RELN: variants seen among roughly 807,000 people sequenced by gnomAD.
The protein encoded by RELN is reelin.
A neutral mutation model predicts 427.6 loss-of-function variants in RELN; 108 were observed. The observed-to-expected ratio is 0.25, with a 90% CI of 0.22 to 0.30. The LOEUF (loss-of-function observed/expected upper bound fraction) is 0.30. RELN is among the 10% of genes least tolerant of loss of function. The pLI, the probability that RELN is intolerant of heterozygous loss-of-function variation, is 1.00. For missense variants in RELN, 3,715 were observed against 4,302.8 expected, an observed-to-expected ratio of 0.86 and a Z score of 3.82; for synonymous variants, 1,524 against 1,513.4, an observed-to-expected ratio of 1.01 and a Z score of -0.16.
At chr7:103,827,978 T>C (rs561813168) in intron 3 of RELN, among the ~76,000 whole-genome samples, 3 of 152,216 alleles carry the variant, frequency 2.0e-5, no homozygotes, top group African/African-American at 7.2e-5. Flanking sequence ...AGAATATTTG[T>C]ATGCATCCAT....
chr7:103,784,771 C>G (rs937755762), intron 3 of RELN, among the ~76,000 whole-genome samples: 5 of 152,112 alleles, frequency 3.3e-5, no homozygotes, highest in Non-Finnish European at 7.4e-5. Flanking sequence ...ACTCAGAAAA[C>G]ATTCTTTTTG....
chr7:103,613,309 T>A (rs909017488), intron 20 of RELN, among the ~76,000 whole-genome samples: 1 of 152,224 alleles, frequency 6.6e-6, no homozygotes, highest in Non-Finnish European at 1.5e-5. Context: ...ATAATTTTTT[T>A]AATTTTTGTT....
intron 11 of RELN, among the ~76,000 whole-genome samples, chr7:103,672,619 TA>T (rs1833418153): frequency 6.6e-6 from 1 of 152,230 alleles, no homozygotes; most frequent in Non-Finnish European, 1.5e-5. Flanking sequence ...GTGTGGTTTT[TA>T]AGCATATCCA....
At chr7:103,978,160 T>C (rs768642732) in intron 1 of RELN, among the ~76,000 whole-genome samples, 3 of 152,204 alleles carry the variant, frequency 2.0e-5, no homozygotes, top group African/African-American at 4.8e-5. Context: ...TGTTGTACAA[T>C]AGATCTCTTG....
intron 3 of RELN, among the ~76,000 whole-genome samples, chr7:103,808,580 G>C (rs923348297): frequency 2.0e-5 from 3 of 151,372 alleles, no homozygotes; most frequent in Non-Finnish European, 4.4e-5. Flanking sequence ...AGAAAATAGA[G>C]AATATACAGT....
chr7:103,649,788 T>C (rs1204140531), intron 16 of RELN, among the ~76,000 whole-genome samples: 1 of 151,974 alleles, frequency 6.6e-6, no homozygotes, highest in East Asian at 1.9e-4. Context: ...TCTATACTAT[T>C]TTCTGAAAAG....
chr7:103,916,852 G>C (rs1795492591), intron 2 of RELN, among the ~76,000 whole-genome samples: 1 of 152,074 alleles, frequency 6.6e-6, no homozygotes, highest in African/African-American at 2.4e-5. Flanking sequence ...TGGAGGGAGA[G>C]AATGAAAGAA....
At chr7:103,832,548 A>T (rs1420311627) in intron 3 of RELN, among the ~76,000 whole-genome samples, 2 of 152,212 alleles carry the variant, frequency 1.3e-5, no homozygotes, top group Non-Finnish European at 2.9e-5. Context: ...TTCGAAGTTT[A>T]AAAATGCTAT....
intron 2 of RELN, among the ~76,000 whole-genome samples, chr7:103,842,918 C>A (rs1310710515): frequency 6.6e-6 from 1 of 152,084 alleles, no homozygotes; most frequent in Non-Finnish European, 1.5e-5. Context: ...CCAGAACTAC[C>A]ATTTACTGAA....
intron 29 of RELN, 86 bp from the exon 30 acceptor site, chr7:103,574,385 G>A (rs1270374409): frequency 9.0e-7 from 1 of 1,109,338 alleles, no homozygotes; most frequent in Non-Finnish European, 1.4e-6. Context: ...AAGGAAGAAT[G>A]TCCATAGGGA....
chr7:103,909,833 AT>A (rs1311699438), intron 2 of RELN, among the ~76,000 whole-genome samples: 4 of 41,936 alleles, frequency 9.5e-5, no homozygotes, highest in African/African-American at 2.3e-4. Context: ...AAATATATAT[AT>A]TTAATATATA....
intron 2 of RELN, among the ~76,000 whole-genome samples, chr7:103,870,684 C>G (rs1298368887): frequency 1.3e-5 from 2 of 152,114 alleles, no homozygotes; most frequent in African/African-American, 2.4e-5. Flanking sequence ...TTTGGCAAGA[C>G]CAGACCTTCA....
chr7:103,599,020 A>G lies in RELN; in HGVS notation c.3334-2359T>C, dbSNP rs80137730. 7.6e-4 allele frequency among the ~76,000 whole-genome samples: 116 copies of G among 152,318 alleles called. No homozygotes were observed. In the South Asian group the frequency reaches 0.012, roughly 16 times the overall value. Reference sequence around the variant, plus strand: ...AATTTCCCCCCAAATTCTAGGTTAAAATGATTTACTGCTTTAAGGGTTTAG... The same window carrying G: ...AATTTCCCCCCAAATTCTAGGTTAAGATGATTTACTGCTTTAAGGGTTTAG... On this transcript the variant is annotated intron_variant, in intron 24 of 64. Transcript: ENST00000428762.
intron 16 of RELN, among the ~76,000 whole-genome samples, 186 bp downstream of exon 16, chr7:103,650,084 CTTTT>C (rs5886262): frequency 1.2e-4 from 17 of 144,502 alleles, no homozygotes; most frequent in Non-Finnish European, 2.1e-4. Flanking sequence ...ACTTCACTGG[CTTTT>C]TTTTTTTTTT....
At chr7:103,888,151 T>C (rs1375250538) in intron 2 of RELN, among the ~76,000 whole-genome samples, 1 of 152,106 alleles carries the variant, frequency 6.6e-6, no homozygotes, top group Non-Finnish European at 1.5e-5. Context: ...CAAAAATTTA[T>C]ACAAATGCTC....
At position 103,959,224 on chromosome 7, in the gene RELN, C is replaced by T. The variant is rs576076161; in HGVS notation, c.226+29907G>A. Reference sequence around the variant, plus strand: ...TCCCAAAGTGCTGAGATTACAGGCTCGAGCCATCATGCCTGGCTGATTTCT... The same window carrying T: ...TCCCAAAGTGCTGAGATTACAGGCTTGAGCCATCATGCCTGGCTGATTTCT... On this transcript the variant is annotated intron_variant, in intron 1 of 64. Transcript: ENST00000428762. Among the ~76,000 whole-genome samples the T allele has an allele frequency of 5.9e-5, 9 of 152,200 alleles. No individual in the cohort carries two copies. In the South Asian group the frequency reaches 1.5e-3, roughly 25 times the overall value.
intron 2 of RELN, among the ~76,000 whole-genome samples, chr7:103,855,210 G>A (rs776208575): frequency 3.3e-5 from 5 of 152,192 alleles, no homozygotes; most frequent in African/African-American, 7.2e-5. Flanking sequence ...TGCTTGAAGC[G>A]GAAAAGTGCT....
chr7:103,656,174 C>T (rs1211256268), intron 12 of RELN, among the ~76,000 whole-genome samples: 1 of 152,048 alleles, frequency 6.6e-6, no homozygotes, highest in Non-Finnish European at 1.5e-5. Context: ...AATGCAACAA[C>T]TTTTGATGAC....
intron 61 of RELN, among the ~76,000 whole-genome samples, chr7:103,484,915 G>C (rs1213580659): frequency 6.6e-6 from 1 of 152,168 alleles, no homozygotes; most frequent in African/African-American, 2.4e-5. Context: ...GGAAAACTGA[G>C]TTAGGACGTG....
Sources: allele counts gnomAD v4.1 joint callset (sites outside exome capture counted in the v4.1 genomes callset), GRCh38; gene constraint gnomAD v4.1.1; transcripts MANE v1.5; gene names NCBI Gene and HGNC (gene_info 2026-07-23, HGNC 2026-07-21).